Variants in ARIH2 observed in about 807,000 individuals in gnomAD.
ARIH2 encodes E3 ubiquitin-protein ligase ARIH2.
A neutral mutation model predicts 79.8 loss-of-function variants in ARIH2; 12 were observed. The ratio of observed to expected loss-of-function variants is 0.15; its 90% CI spans 0.10 to 0.24. ARIH2 has a LOEUF of 0.24. Ranked by LOEUF, ARIH2 falls within the 10% of genes least tolerant of loss-of-function variation. The probability of loss-of-function intolerance (pLI) is 1.00; values close to 1 mark genes in which losing one functional copy is unlikely to be tolerated. For synonymous variants in ARIH2, 224 were observed against 213.9 expected (o/e 1.05, Z -0.41); for missense variants, 301 against 618.3 (o/e 0.49, Z 5.44).
In ARIH2 at chr3:48,918,978, G is replaced by A. The variant is rs1445352262; in HGVS notation, c.-182G>A. On this transcript the variant is annotated 5_prime_UTR_variant, in exon 1 of 16. Coordinates refer to ENST00000356401, the MANE Select transcript of ARIH2 (RefSeq NM_006321.4). ...CGGTCTGGCTTGTTCGGGCTCAGCGGCCGCGAGGCCGCAGCTCCCGGTAAG... is the reference window on the plus strand; with the variant it reads ...CGGTCTGGCTTGTTCGGGCTCAGCGACCGCGAGGCCGCAGCTCCCGGTAAG... The A allele has an allele frequency of 1.3e-5, 19 of 1,458,138 alleles. No homozygotes were observed. The highest frequency in any genetic ancestry group is 1.5e-5 in the Non-Finnish European group (17 of 1,112,086). The allele number at this position is 1,458,138 out of a possible 1,614,324, so 90.3% of individuals were successfully genotyped here.
Position 48,962,815 on chromosome 3 carries a change from A to G in ARIH2, c.323+1136A>G, listed in dbSNP as rs933613098. On this transcript the variant is annotated intron_variant, in intron 4 of 15. Coordinates refer to ENST00000356401, the MANE Select transcript of ARIH2 (RefSeq NM_006321.4). ...CCTCTGGTGAGAAGCACTTGTTACC[A>G]TTCCTACTCTTTCACACTGCAGTGA... 5.3e-5 allele frequency among the ~76,000 whole-genome samples: 8 copies of G among 152,116 alleles called. 1 individual carries two copies. Among genetic ancestry groups the G allele is most frequent in the Non-Finnish European group, 1.2e-4 (8 of 68,022 alleles).
chr3:48,951,780 C>G (rs779481566), intron 3 of ARIH2, among the ~76,000 whole-genome samples: 1 of 152,068 alleles, frequency 6.6e-6, no homozygotes, highest in Non-Finnish European at 1.5e-5. Flanking sequence ...CCATCTTCTA[C>G]CTCTGTTATG....
chr3:48,965,513 C>A (rs1165727755), intron 5 of ARIH2, among the ~76,000 whole-genome samples: 1 of 152,206 alleles, frequency 6.6e-6, no homozygotes, highest in Non-Finnish European at 1.5e-5. Flanking sequence ...TCCAGCCCCA[C>A]TTTCCTCTCT....
intron 3 of ARIH2, among the ~76,000 whole-genome samples, chr3:48,959,305 G>C (rs1427880205): frequency 7.0e-6 from 1 of 142,158 alleles, no homozygotes; most frequent in Non-Finnish European, 1.5e-5. Context: ...AATACAGCGA[G>C]ACTCCATCTC....
chr3:48,933,245 TGTGTGTGTGTGTGTGTG>T, intron 3 of ARIH2, among the ~76,000 whole-genome samples: 1 of 8,054 alleles, frequency 1.2e-4, no homozygotes, highest in East Asian at 8.3e-3. Flanking sequence ...GGTGTGTGTG[TGTGTGTGTGTGTGTGTG>T]TGTGTGTGTG....
In ARIH2 at chr3:48,933,287, T is replaced by A. The variant is rs796183556; in HGVS notation, c.255+5474T>A. ...GTGTGTGTGTGTGTGTGTGTGTGTGTGATCACAGGTGCGCACCACATGCCC... is the reference window on the plus strand; with the variant it reads ...GTGTGTGTGTGTGTGTGTGTGTGTGAGATCACAGGTGCGCACCACATGCCC... On this transcript the variant is annotated intron_variant, in intron 3 of 15. Coordinates refer to ENST00000356401, the MANE Select transcript of ARIH2 (RefSeq NM_006321.4). Among the ~76,000 whole-genome samples, 233 of 103,928 alleles carry A rather than the reference T, an allele frequency of 2.2e-3. 1 individual carries two copies. Among genetic ancestry groups the A allele is most frequent in the African/African-American group, 7.2e-3 (194 of 26,914 alleles). 68.2% of individuals were successfully genotyped at this position (103,928 alleles called of 152,430 possible). A position where few individuals can be genotyped will look rare whatever the true frequency, so the allele number is the denominator to read the frequency against.
At chr3:48,958,641 A>G (rs1193699494) in intron 3 of ARIH2, among the ~76,000 whole-genome samples, 1 of 151,926 alleles carries the variant, frequency 6.6e-6, no homozygotes, top group African/African-American at 2.4e-5. Flanking sequence ...CCCGGGAGGC[A>G]GAGGTTGCAG....
rs549663381 is a variant in ARIH2 at position 48,948,480 on chromosome 3, G to T, written c.256-13132G>T. ...ATTTTATATTTTTAGTAGAGATGGA[G>T]TTTCTCCATGTTGGTCAGGCTGGTC... On this transcript the variant is annotated intron_variant, in intron 3 of 15. Coordinates refer to ENST00000356401, the MANE Select transcript of ARIH2 (RefSeq NM_006321.4). 7.2e-5 allele frequency among the ~76,000 whole-genome samples: 11 copies of T among 151,978 alleles called. No individual in the cohort carries two copies. The South Asian group carries it at 2.3e-3, about 31-fold the overall frequency.
chr3:48,974,325 C>T (rs564534993), intron 9 of ARIH2, among the ~76,000 whole-genome samples: 1 of 152,308 alleles, frequency 6.6e-6, no homozygotes, highest in East Asian at 1.9e-4. Flanking sequence ...GTCGACTTCA[C>T]GGCAGTGGGA....
chr3:48,967,263 G>A lies in ARIH2; in HGVS notation c.526G>A (p.Gly176Ser), dbSNP rs1318844980. 6.2e-7 allele frequency: 1 copy of A among 1,613,848 alleles called. No homozygotes were observed. Among genetic ancestry groups the A allele is most frequent in the Non-Finnish European group, 8.5e-7 (1 of 1,179,848 alleles). ...GCACTGCTCAGTTCTCGTCAAGGAC[G>A]GCGTGGGCGTGGGTGAGTCTGCCAC... The part of the protein sequence containing the change: ...EQHCSVLVKD[G>S]VGVGVSCMAQ... Residue 176 changes from glycine to serine, a missense_variant, in exon 6 of 16, where the codon GGC becomes AGC. Transcript: ENST00000356401.
At chr3:48,923,523 GTTT>G (rs772701634) in intron 2 of ARIH2, among the ~76,000 whole-genome samples, 1 of 139,074 alleles carries the variant, frequency 7.2e-6, no homozygotes, top group Non-Finnish European at 1.6e-5. Flanking sequence ...TATAGTGAGT[GTTT>G]TTTTTTTTTT....
intron 11 of ARIH2, among the ~76,000 whole-genome samples, chr3:48,977,880 G>T (rs2092592609): frequency 6.6e-6 from 1 of 152,148 alleles, no homozygotes; most frequent in Non-Finnish European, 1.5e-5. Flanking sequence ...TCCGGGTTTT[G>T]CTTTGGCTTC....
chr3:48,964,845 C>T, intron 4 of ARIH2, 74 bp from the exon 5 acceptor site: 3 of 1,166,240 alleles, frequency 2.6e-6, no homozygotes, highest in African/African-American at 1.5e-5. Context: ...ACATCTTTCT[C>T]TGTCCTGTTA....
intron 3 of ARIH2, among the ~76,000 whole-genome samples, chr3:48,956,384 C>T (rs1386612927): frequency 1.3e-5 from 2 of 150,290 alleles, no homozygotes; most frequent in Non-Finnish European, 2.9e-5. Flanking sequence ...GGTGATCCGC[C>T]TGCCTCTGCC....
chr3:48,981,866 C>A, intron 14 of ARIH2, 138 bp downstream of exon 14: 1 of 640,510 alleles, frequency 1.6e-6, no homozygotes, highest in Middle Eastern at 4.3e-4. Context: ...TTGCAAAATT[C>A]CACTTCTGCT....
At chr3:48,932,344 G>A (rs1233803249) in intron 3 of ARIH2, among the ~76,000 whole-genome samples, 1 of 152,202 alleles carries the variant, frequency 6.6e-6, no homozygotes, top group Non-Finnish European at 1.5e-5. Flanking sequence ...TGTAGGAGGA[G>A]GGGATCTCTG....
intron 1 of ARIH2, 176 bp downstream of exon 1, chr3:48,919,174 C>T (rs1576019847): frequency 6.2e-6 from 8 of 1,299,798 alleles, no homozygotes; most frequent in Non-Finnish European, 3.9e-6. Context: ...GGCCGGGCGC[C>T]CAGCGTGTGT....
At chr3:48,954,555 G>A (rs921132058) in intron 3 of ARIH2, among the ~76,000 whole-genome samples, 9 of 152,170 alleles carry the variant, frequency 5.9e-5, no homozygotes, top group African/African-American at 2.2e-4. Context: ...GAGATTACAG[G>A]CTTGAGCCAC....
intron 7 of ARIH2, among the ~76,000 whole-genome samples, 169 bp from the exon 8 acceptor site, chr3:48,970,426 C>CTTTAA (rs2107613083): frequency 6.6e-6 from 1 of 152,348 alleles, no homozygotes; most frequent in Admixed American, 6.5e-5. Context: ...CTAAATTCCT[C>CTTTAA]TTTAATATCT....
Sources: allele counts gnomAD v4.1 joint callset (sites outside exome capture counted in the v4.1 genomes callset), GRCh38; gene constraint gnomAD v4.1.1; transcripts MANE v1.5; gene names NCBI Gene and HGNC (gene_info 2026-07-23, HGNC 2026-07-21).